SGCD: variants seen among roughly 807,000 people sequenced by gnomAD.
SGCD encodes the protein delta-sarcoglycan.
In SGCD, 18 loss-of-function variants were observed where a neutral mutation model predicts 36.6. The ratio of observed to expected loss-of-function variants is 0.49; its 90% CI spans 0.34 to 0.73. The LOEUF (loss-of-function observed/expected upper bound fraction) is 0.73, where lower values mean the gene tolerates loss of function less well. SGCD is among the 30% of genes least tolerant of loss of function. The pLI is 0.01. For synonymous variants in SGCD, 133 were observed against 130.6 expected (o/e 1.02, Z -0.12); for missense variants, 387 against 346.7 (o/e 1.12, Z -0.92).
At chr5:155,841,550 ACT>A in the SGCD span, among the ~76,000 whole-genome samples, 1 of 151,536 alleles carries the variant, frequency 6.6e-6, no homozygotes, top group Admixed American at 6.6e-5. Flanking sequence ...TCTGTTTAAA[ACT>A]CTGCCATTTT....
chr5:156,149,168 A>G (rs1354119612), intron 3 of SGCD, among the ~76,000 whole-genome samples: 4 of 152,130 alleles, frequency 2.6e-5, no homozygotes, highest in Non-Finnish European at 5.9e-5. Flanking sequence ...GGAGTACATG[A>G]GATGTTTTGG....
rs559135360 is a variant in SGCD at position 156,513,572 on chromosome 5, A to G, written c.294+4870A>G. ...TCCAGTTGAGCAAGATTAGTCAACT[A>G]CTCGAAGTGAGGACAACTAATGAAG... On this transcript the variant is annotated intron_variant, in intron 4 of 8. Coordinates refer to ENST00000337851, the MANE Select transcript of SGCD (RefSeq NM_000337.6). 1.9e-4 allele frequency among the ~76,000 whole-genome samples: 29 copies of G among 152,290 alleles called. No individual in the cohort carries two copies. In the East Asian group the frequency reaches 5.6e-3, roughly 29 times the overall value.
At chr5:155,956,699 G>A (rs748030437) in intron 1 of SGCD, among the ~76,000 whole-genome samples, 1 of 152,026 alleles carries the variant, frequency 6.6e-6, no homozygotes, top group African/African-American at 2.4e-5. Context: ...GTGGCACCAG[G>A]CATTCAACAT....
Position 156,470,612 on chromosome 5 carries a change from C to T in SGCD, c.193-37989C>T, listed in dbSNP as rs1028152500. On this transcript the variant is annotated intron_variant, in intron 3 of 8. Transcript: ENST00000337851. ...TGTGGTGTTTGGTTTTTTGTCCTTG[C>T]GATAGTTTACTGAGAATTTTTTTCT... 4.6e-5 allele frequency among the ~76,000 whole-genome samples: 7 copies of T among 151,684 alleles called. No individual in the cohort carries two copies. The East Asian group carries it at 5.8e-4, about 13-fold the overall frequency.
At chr5:156,070,083 C>A (rs1475243262) in intron 1 of SGCD, among the ~76,000 whole-genome samples, 1 of 150,778 alleles carries the variant, frequency 6.6e-6, no homozygotes, top group Non-Finnish European at 1.5e-5. Context: ...CAAACAGGGA[C>A]AATTTGACTT....
chr5:156,467,730 C>T (rs1460742367), intron 3 of SGCD, among the ~76,000 whole-genome samples: 1 of 152,226 alleles, frequency 6.6e-6, no homozygotes, highest in Non-Finnish European at 1.5e-5. Flanking sequence ...AATCTTCCCA[C>T]AGACTAAGCC....
intron 3 of SGCD, among the ~76,000 whole-genome samples, chr5:156,161,311 G>A (rs1339844896): frequency 1.3e-5 from 2 of 151,758 alleles, no homozygotes; most frequent in Non-Finnish European, 2.9e-5. Context: ...AAACTCTGTA[G>A]TAAACATTCA....
At chr5:156,528,027 T>C (rs934226990) in intron 4 of SGCD, among the ~76,000 whole-genome samples, 2 of 152,218 alleles carry the variant, frequency 1.3e-5, no homozygotes, top group Non-Finnish European at 2.9e-5. Context: ...ATATGTATCA[T>C]ATAATTATAT....
intron 3 of SGCD, among the ~76,000 whole-genome samples, chr5:156,433,123 A>G (rs548077847): frequency 4.1e-4 from 63 of 152,324 alleles, no homozygotes; most frequent in African/African-American, 1.4e-3. Flanking sequence ...TACAACAAAT[A>G]TAAAGTTAGG....
At chr5:156,124,359 A>C (rs1762118158) in intron 3 of SGCD, among the ~76,000 whole-genome samples, 1 of 152,198 alleles carries the variant, frequency 6.6e-6, no homozygotes, top group Admixed American at 6.5e-5. Context: ...AAAAGACTTC[A>C]GGTAACAAGA....
At chr5:155,939,826 A>T (rs1257120531) in intron 1 of SGCD, among the ~76,000 whole-genome samples, 1 of 149,216 alleles carries the variant, frequency 6.7e-6, no homozygotes, top group African/African-American at 2.4e-5. Context: ...GTCTGCTCAT[A>T]TCCAAATGTC....
intron 3 of SGCD, among the ~76,000 whole-genome samples, chr5:156,506,575 A>C (rs1254642467): frequency 6.6e-6 from 1 of 152,194 alleles, no homozygotes; most frequent in East Asian, 1.9e-4. Flanking sequence ...GAGAAGCAAA[A>C]GGGCCATCAA....
intron 3 of SGCD, among the ~76,000 whole-genome samples, chr5:156,315,792 G>T (rs1316348666): frequency 6.6e-6 from 1 of 151,826 alleles, no homozygotes; most frequent in African/African-American, 2.4e-5. Context: ...TTTTGGTTTG[G>T]ATATCCCTGA....
At chr5:155,777,933 A>T in the SGCD span, among the ~76,000 whole-genome samples, 1 of 152,120 alleles carries the variant, frequency 6.6e-6, no homozygotes, top group East Asian at 1.9e-4. Context: ...GAGTTTTCTA[A>T]CATTGTCTCT....
intron 3 of SGCD, among the ~76,000 whole-genome samples, chr5:156,282,602 C>T (rs1332272659): frequency 6.6e-6 from 1 of 152,138 alleles, no homozygotes; most frequent in Non-Finnish European, 1.5e-5. Flanking sequence ...ATGGCTCAAC[C>T]AGTTGTAATA....
chr5:155,802,954 G>A, the SGCD span, among the ~76,000 whole-genome samples: 1 of 152,184 alleles, frequency 6.6e-6, no homozygotes, highest in Non-Finnish European at 1.5e-5. Context: ...GGGAAAACAA[G>A]TAGTTGCTGC....
chr5:156,078,361 A>T (rs1012353523), intron 1 of SGCD, among the ~76,000 whole-genome samples: 1 of 151,310 alleles, frequency 6.6e-6, no homozygotes, highest in Non-Finnish European at 1.5e-5. Flanking sequence ...TAACAGTACA[A>T]AATTCGCCGG....
chr5:155,789,656 G>A, the SGCD span, among the ~76,000 whole-genome samples: 10 of 152,044 alleles, frequency 6.6e-5, no homozygotes, highest in African/African-American at 2.4e-4. Flanking sequence ...GCCTCTTAAA[G>A]TTATACAAAT....
chr5:156,136,355 T>C (rs912044527), intron 3 of SGCD, among the ~76,000 whole-genome samples: 3 of 152,226 alleles, frequency 2.0e-5, no homozygotes, highest in Non-Finnish European at 4.4e-5. Flanking sequence ...ACAAGCAGTC[T>C]CCTACCTCGG....
Sources: gnomAD v4.1 joint callset for allele counts (sites outside exome capture counted in the v4.1 genomes callset) on GRCh38, gnomAD v4.1.1 for gene constraint, MANE v1.5 for transcripts, NCBI Gene and HGNC (gene_info 2026-07-23, HGNC 2026-07-21) for gene names.